Variants in PPFIA2 observed in about 807,000 individuals in gnomAD.
PPFIA2 encodes PPFI scaffold protein A2.
In PPFIA2, 46 loss-of-function variants were observed where a neutral mutation model predicts 175.5. The ratio of observed to expected loss-of-function variants is 0.26; its 90% CI spans 0.21 to 0.34. The LOEUF (loss-of-function observed/expected upper bound fraction) is 0.34. Among genes scored for constraint, PPFIA2 ranks in the 10% least tolerant of loss-of-function variants. The pLI is 1.00. For synonymous variants in PPFIA2, 568 were observed against 511.4 expected, an observed-to-expected ratio of 1.11 and a Z score of -1.49; for missense variants, 1,179 against 1,506.1, an observed-to-expected ratio of 0.78 and a Z score of 3.60.
At chr12:81,574,736 A>G (rs2073200609) in intron 4 of PPFIA2, among the ~76,000 whole-genome samples, 1 of 151,446 alleles carries the variant, frequency 6.6e-6, no homozygotes, top group Non-Finnish European at 1.5e-5. Flanking sequence ...CTCTTCTGAT[A>G]GGGCTTGCAT....
chr12:81,488,623 G>T (rs909189910), intron 4 of PPFIA2, among the ~76,000 whole-genome samples: 2 of 151,660 alleles, frequency 1.3e-5, no homozygotes, highest in African/African-American at 4.8e-5. Flanking sequence ...TCTGTTTAAG[G>T]TGCTCTTCCT....
chr12:81,620,860 T>C (rs925992112), intron 4 of PPFIA2, among the ~76,000 whole-genome samples: 3 of 152,206 alleles, frequency 2.0e-5, no homozygotes, highest in East Asian at 1.9e-4. Flanking sequence ...GAGATACCCA[T>C]GTAAAATCAA....
intron 32 of PPFIA2, among the ~76,000 whole-genome samples, chr12:81,261,694 AC>A (rs2035602606): frequency 6.6e-6 from 1 of 152,186 alleles, no homozygotes; most frequent in Non-Finnish European, 1.5e-5. Flanking sequence ...TGTAGTGGCA[AC>A]CCATTGATGT....
chr12:81,530,034 A>G (rs544250971), intron 4 of PPFIA2, among the ~76,000 whole-genome samples: 6 of 152,152 alleles, frequency 3.9e-5, no homozygotes, highest in African/African-American at 7.2e-5. Context: ...AAATAAGAAG[A>G]AAAAGAACTT....
intron 4 of PPFIA2, among the ~76,000 whole-genome samples, chr12:81,567,948 A>G (rs2071683689): frequency 6.6e-6 from 1 of 152,196 alleles, no homozygotes; most frequent in African/African-American, 2.4e-5. Flanking sequence ...TGGTGTTTGA[A>G]GTGAGCATAG....
intron 4 of PPFIA2, among the ~76,000 whole-genome samples, chr12:81,614,971 C>T (rs905933066): frequency 1.3e-5 from 2 of 152,238 alleles, no homozygotes; most frequent in East Asian, 1.9e-4. Context: ...TACAAAGCCA[C>T]AGTATAAATT....
At chr12:81,487,057 G>C (rs1381973903) in intron 4 of PPFIA2, among the ~76,000 whole-genome samples, 1 of 151,844 alleles carries the variant, frequency 6.6e-6, no homozygotes, top group Non-Finnish European at 1.5e-5. Context: ...TCTGTCCTTA[G>C]AAAGTTTCCC....
At chr12:81,567,643 T>C (rs2071609765) in intron 4 of PPFIA2, among the ~76,000 whole-genome samples, 1 of 152,192 alleles carries the variant, frequency 6.6e-6, no homozygotes, top group Non-Finnish European at 1.5e-5. Context: ...TTTGGACACC[T>C]GAAGTGAACT....
intron 4 of PPFIA2, among the ~76,000 whole-genome samples, chr12:81,590,001 A>C (rs753403479): frequency 6.6e-6 from 1 of 152,076 alleles, no homozygotes; most frequent in Non-Finnish European, 1.5e-5. Flanking sequence ...CTTTATTTTT[A>C]GCCATTTCCT....
rs527949308 is a variant in PPFIA2, at chr12:81,516,359, T to C, written c.304-58493A>G. On this transcript the variant is annotated intron_variant, in intron 4 of 32. Coordinates refer to ENST00000549396, the MANE Select transcript of PPFIA2 (RefSeq NM_003625.5). The stretch of plus-strand genomic sequence containing the variant: ...CCACTTAGCTTTCAGTTACCAGACA[T>C]TTCCAATTATAATTTGATATATAAA... Among the ~76,000 whole-genome samples the C allele has an allele frequency of 3.8e-3, 575 of 152,270 alleles. 3 individuals are homozygous for C. The highest frequency in any genetic ancestry group is 0.013 in the African/African-American group (539 of 41,566).
intron 22 of PPFIA2, among the ~76,000 whole-genome samples, chr12:81,307,353 T>A (rs2138824854): frequency 6.6e-6 from 1 of 152,300 alleles, no homozygotes; most frequent in African/African-American, 2.4e-5. Flanking sequence ...TTTGAATGAC[T>A]GCTAAATTGT....
At chr12:81,334,017 C>T (rs2056648153) in intron 21 of PPFIA2, among the ~76,000 whole-genome samples, 1 of 152,218 alleles carries the variant, frequency 6.6e-6, no homozygotes, top group Admixed American at 6.5e-5. Flanking sequence ...TGATGGCTTG[C>T]TCACCACCTT....
chr12:81,525,757 C>T (rs905310792), intron 4 of PPFIA2, among the ~76,000 whole-genome samples: 3 of 152,210 alleles, frequency 2.0e-5, no homozygotes, highest in African/African-American at 7.2e-5. Flanking sequence ...ATATTGTTTA[C>T]TAACTCCATT....
At chr12:81,262,947 G>C (rs2036106797) in intron 31 of PPFIA2, among the ~76,000 whole-genome samples, 3 of 152,170 alleles carry the variant, frequency 2.0e-5, no homozygotes, top group African/African-American at 7.2e-5. Context: ...GAAGACTAAA[G>C]AAACACAAAT....
At chr12:81,306,541 GTTTT>G (rs34245260) in intron 22 of PPFIA2, among the ~76,000 whole-genome samples, 2,050 of 107,194 alleles carry the variant, frequency 0.019, 45 homozygotes, top group African/African-American at 0.065. Context: ...TTGTTTCGTT[GTTTT>G]TTTTTTTTTT....
intron 4 of PPFIA2, among the ~76,000 whole-genome samples, chr12:81,657,433 T>C (rs182412635): frequency 2.0e-5 from 3 of 152,220 alleles, no homozygotes; most frequent in Non-Finnish European, 4.4e-5. Context: ...ACACGTCCTG[T>C]TGCCTCGGGC....
chr12:81,562,680 T>C (rs2070372980), intron 4 of PPFIA2, among the ~76,000 whole-genome samples: 1 of 150,366 alleles, frequency 6.7e-6, no homozygotes, highest in African/African-American at 2.4e-5. Flanking sequence ...ACCCCGTCTC[T>C]ACTAAAAATA....
At chr12:81,456,668 T>G (rs1321132297) in intron 5 of PPFIA2, among the ~76,000 whole-genome samples, 1 of 152,222 alleles carries the variant, frequency 6.6e-6, no homozygotes, top group African/African-American at 2.4e-5. Flanking sequence ...AGAAGTGGTT[T>G]TTTTCTACTT....
intron 5 of PPFIA2, among the ~76,000 whole-genome samples, chr12:81,446,300 C>A (rs1214474592): frequency 6.6e-6 from 1 of 152,262 alleles, no homozygotes; most frequent in South Asian, 2.1e-4. Context: ...GTTAAGGATA[C>A]AGTTTTAAAT....
Sources: gnomAD v4.1 joint callset for allele counts (sites outside exome capture counted in the v4.1 genomes callset) on GRCh38, gnomAD v4.1.1 for gene constraint, MANE v1.5 for transcripts, NCBI Gene and HGNC (gene_info 2026-07-23, HGNC 2026-07-21) for gene names.